The following VRK1 variants were observed in gnomAD, a reference collection of about 807,000 sequenced individuals.
VRK1 encodes VRK serine/threonine kinase 1.
In VRK1, 33 loss-of-function variants were observed where a neutral mutation model predicts 57.1. That is an observed-to-expected ratio of 0.58 (90% CI 0.44 to 0.77). The LOEUF is 0.77. Among genes scored for constraint, VRK1 ranks in the 30% least tolerant of loss-of-function variants. The pLI, the probability that VRK1 is intolerant of heterozygous loss-of-function variation, is 0.00. For missense variants in VRK1, 413 were observed against 477.3 expected, an observed-to-expected ratio of 0.87 and a Z score of 1.25; for synonymous variants, 137 against 147.8, an observed-to-expected ratio of 0.93 and a Z score of 0.53.
At chr14:96,864,550 T>C (rs1431231203) in intron 11 of VRK1, among the ~76,000 whole-genome samples, 1 of 152,214 alleles carries the variant, frequency 6.6e-6, no homozygotes, top group African/African-American at 2.4e-5. Context: ...GCAGTTGTGA[T>C]AATGCTGTTA....
At chr14:96,800,063 A>G (rs565793524) in intron 1 of VRK1, among the ~76,000 whole-genome samples, 3 of 152,246 alleles carry the variant, frequency 2.0e-5, no homozygotes, top group East Asian at 1.9e-4. Context: ...ATGTTTAATA[A>G]AGGTACAAGA....
At chr14:96,837,119 C>G (rs1595663310) in intron 2 of VRK1, among the ~76,000 whole-genome samples, 1 of 152,066 alleles carries the variant, frequency 6.6e-6, no homozygotes, top group South Asian at 2.1e-4. Flanking sequence ...TCTCTATTTC[C>G]TAGAAACTGA....
chr14:96,837,068 GGCTTTGT>G (rs899377818), intron 2 of VRK1, among the ~76,000 whole-genome samples: 17 of 152,202 alleles, frequency 1.1e-4, no homozygotes, highest in African/African-American at 4.1e-4. Flanking sequence ...CTGAAATGGT[GGCTTTGT>G]AAGAGTAAGG....
intron 12 of VRK1, among the ~76,000 whole-genome samples, chr14:96,877,922 A>G (rs551947618): frequency 4.6e-4 from 70 of 152,296 alleles, no homozygotes; most frequent in African/African-American, 1.6e-3. Context: ...ATGAGAAAAT[A>G]TATCAGTATT....
At chr14:96,853,036 G>A (rs141683239) in intron 6 of VRK1, 38 bp from the exon 7 acceptor site, 10 of 1,608,590 alleles carry the variant, frequency 6.2e-6, no homozygotes, top group Admixed American at 1.7e-5. Flanking sequence ...GCTGGTGTTA[G>A]GTACTGCATT....
intron 2 of VRK1, among the ~76,000 whole-genome samples, chr14:96,837,203 G>A (rs1887254034): frequency 2.0e-5 from 3 of 152,024 alleles, no homozygotes; most frequent in African/African-American, 7.2e-5. Context: ...AGTATTCTGG[G>A]GCAACTGTAC....
intron 12 of VRK1, among the ~76,000 whole-genome samples, chr14:96,878,129 C>T (rs1889114567): frequency 6.6e-6 from 1 of 151,894 alleles, no homozygotes; most frequent in Non-Finnish European, 1.5e-5. Flanking sequence ...CCCTAAAGTA[C>T]AATGCGAGTT....
chr14:96,876,914 A>G (rs1889059710), intron 12 of VRK1, among the ~76,000 whole-genome samples: 1 of 152,166 alleles, frequency 6.6e-6, no homozygotes, highest in African/African-American at 2.4e-5. Context: ...TGCAAAGGGC[A>G]GAGCTAGGTT....
intron 1 of VRK1, among the ~76,000 whole-genome samples, chr14:96,815,209 A>G (rs1241210772): frequency 2.6e-5 from 4 of 152,176 alleles, no homozygotes; most frequent in Non-Finnish European, 5.9e-5. Context: ...TCTCATTGTA[A>G]TTTTAATTTG....
At chr14:96,869,946 A>G (rs1244341460) in intron 11 of VRK1, among the ~76,000 whole-genome samples, 1 of 152,130 alleles carries the variant, frequency 6.6e-6, no homozygotes, top group Non-Finnish European at 1.5e-5. Context: ...CAGTATATAT[A>G]TAGGTTTTGG....
intron 3 of VRK1, among the ~76,000 whole-genome samples, chr14:96,843,315 G>A (rs975424328): frequency 2.0e-5 from 3 of 152,178 alleles, no homozygotes; most frequent in Non-Finnish European, 4.4e-5. Flanking sequence ...TAGAGGCAGA[G>A]GTCAGGCTTT....
chr14:96,843,281 C>G (rs1293193810), intron 3 of VRK1, among the ~76,000 whole-genome samples: 1 of 152,124 alleles, frequency 6.6e-6, no homozygotes, highest in Non-Finnish European at 1.5e-5. Context: ...TTGCACTTAC[C>G]CTTAGTCATG....
chr14:96,797,686 G>A (rs1240673919), intron 1 of VRK1, among the ~76,000 whole-genome samples: 3 of 152,144 alleles, frequency 2.0e-5, no homozygotes, highest in Non-Finnish European at 4.4e-5. Flanking sequence ...CGCCCCCGGG[G>A]ATGCCTGGAC....
intron 1 of VRK1, among the ~76,000 whole-genome samples, chr14:96,808,320 C>T (rs1948039272): frequency 6.6e-6 from 1 of 152,164 alleles, no homozygotes; most frequent in Non-Finnish European, 1.5e-5. Context: ...CCTAGTCAGT[C>T]ATTCCTGAAG....
At chr14:96,800,223 T>A (rs1341008138) in intron 1 of VRK1, among the ~76,000 whole-genome samples, 2 of 152,206 alleles carry the variant, frequency 1.3e-5, no homozygotes, top group Admixed American at 1.3e-4. Flanking sequence ...CAGAGGGCTC[T>A]GTCCTTTGAA....
Position 96,805,034 on chromosome 14 carries a change from G to A in VRK1, c.-6+7587G>A, listed in dbSNP as rs985970112. Among the ~76,000 whole-genome samples the A allele has an allele frequency of 2.0e-5, 3 of 152,142 alleles. No homozygotes were observed. The South Asian group carries it at 6.2e-4, about 31-fold the overall frequency. On this transcript the variant is annotated intron_variant, in intron 1 of 12. Transcript: ENST00000216639. ...TACCAGGCCTGAAAAGAGTCCAAGC[G>A]TTGAGCAACTGAAATGATAAAAACA...
intron 11 of VRK1, among the ~76,000 whole-genome samples, chr14:96,867,454 CAAGT>C (rs1455388338): frequency 9.0e-6 from 1 of 111,218 alleles, no homozygotes; most frequent in Non-Finnish European, 1.8e-5. Flanking sequence ...TATCTGTGCA[CAAGT>C]GTGTGTGTGT....
intron 12 of VRK1, among the ~76,000 whole-genome samples, chr14:96,876,939 T>C (rs1404298259): frequency 2.0e-5 from 3 of 152,170 alleles, no homozygotes; most frequent in African/African-American, 7.2e-5. Context: ...TTTGGTCTGA[T>C]ATGTTTAATA....
intron 1 of VRK1, among the ~76,000 whole-genome samples, chr14:96,827,902 A>T (rs1886861804): frequency 6.6e-6 from 1 of 152,200 alleles, no homozygotes; most frequent in South Asian, 2.1e-4. Flanking sequence ...ACTTTCTATA[A>T]CATGAACCAA....
Sources: allele counts gnomAD v4.1 joint callset (sites outside exome capture counted in the v4.1 genomes callset), GRCh38; gene constraint gnomAD v4.1.1; transcripts MANE v1.5; gene names NCBI Gene and HGNC (gene_info 2026-07-23, HGNC 2026-07-21).